AUTS2: variants seen among roughly 807,000 people sequenced by gnomAD.
AUTS2 encodes autism susceptibility gene 2 protein.
Under a neutral mutation model 112.4 loss-of-function variants are expected in AUTS2, and 17 were observed. The ratio of observed to expected loss-of-function variants is 0.15; its 90% CI spans 0.10 to 0.23. The LOEUF (loss-of-function observed/expected upper bound fraction) is 0.23. Ranked by LOEUF, AUTS2 falls within the 10% of genes least tolerant of loss-of-function variation. The pLI is 1.00. For synonymous variants in AUTS2, 751 were observed against 702.7 expected, an observed-to-expected ratio of 1.07 and a Z score of -1.09; for missense variants, 1,510 against 1,701.6, an observed-to-expected ratio of 0.89 and a Z score of 1.98.
intron 5 of AUTS2, among the ~76,000 whole-genome samples, chr7:70,454,388 T>A (rs375291293): frequency 6.6e-6 from 1 of 151,780 alleles, no homozygotes; most frequent in Non-Finnish European, 1.5e-5. Context: ...TACAAAAAAA[T>A]TAGCTGGACG....
chr7:69,842,514 T>G (rs1204545291), intron 1 of AUTS2, among the ~76,000 whole-genome samples: 1 of 152,210 alleles, frequency 6.6e-6, no homozygotes, highest in Non-Finnish European at 1.5e-5. Flanking sequence ...GACTAAATTT[T>G]GATCACAGAA....
chr7:70,532,634 T>C (rs1800145031), intron 5 of AUTS2, among the ~76,000 whole-genome samples: 1 of 152,188 alleles, frequency 6.6e-6, no homozygotes, highest in African/African-American at 2.4e-5. Context: ...CCTACGTGGC[T>C]GTTCAGGGGG....
At chr7:69,952,818 T>C (rs952379805) in intron 2 of AUTS2, among the ~76,000 whole-genome samples, 2 of 152,198 alleles carry the variant, frequency 1.3e-5, no homozygotes, top group African/African-American at 4.8e-5. Flanking sequence ...GGAACTCATA[T>C]ATCTTCATAT....
chr7:69,703,401 C>T (rs1797910590), intron 1 of AUTS2, among the ~76,000 whole-genome samples: 1 of 152,180 alleles, frequency 6.6e-6, no homozygotes, highest in South Asian at 2.1e-4. Flanking sequence ...TCTCCTCACA[C>T]CTGCACTGCT....
At chr7:69,759,547 T>C (rs1788079225) in intron 1 of AUTS2, among the ~76,000 whole-genome samples, 1 of 152,096 alleles carries the variant, frequency 6.6e-6, no homozygotes, top group South Asian at 2.1e-4. Flanking sequence ...CTGTACTTCA[T>C]GAGCCAATTG....
intron 4 of AUTS2, among the ~76,000 whole-genome samples, chr7:70,372,527 T>C (rs774143724): frequency 2.8e-4 from 42 of 152,256 alleles, no homozygotes; most frequent in Admixed American, 4.6e-4. Context: ...ATGGAAGAAA[T>C]TGAAATGGAA....
intron 4 of AUTS2, among the ~76,000 whole-genome samples, chr7:70,228,206 C>T (rs900725396): frequency 5.9e-5 from 9 of 151,358 alleles, no homozygotes; most frequent in African/African-American, 1.7e-4. Context: ...TCTGTTTTGT[C>T]GGACAGTATT....
intron 2 of AUTS2, among the ~76,000 whole-genome samples, chr7:70,111,148 G>A (rs1032867108): frequency 6.6e-6 from 1 of 151,842 alleles, no homozygotes; most frequent in Non-Finnish European, 1.5e-5. Flanking sequence ...CAAAGTACTG[G>A]GATTATAGGC....
chr7:70,790,144 G>A lies in AUTS2; in HGVS notation c.2928G>A (p.Lys976=). Residue 976 remains lysine, a synonymous_variant, in exon 19 of 19, where the codon AAG becomes AAA. Transcript: ENST00000342771. This position sits in a 1 kb window ranked among gnomAD's most constrained non-coding sequence, Gnocchi z 7.6. Reference sequence around the variant, plus strand: ...AGCCGGCCTACGAGAACCCCAAGAAGAGCTCCGAGGTCAAGGTGAAGGAGG... The same window carrying A: ...AGCCGGCCTACGAGAACCCCAAGAAAAGCTCCGAGGTCAAGGTGAAGGAGG... ...KGEPAYENPK[K]SSEVKVKEER... is the part of the protein sequence containing the mutation. The A allele has an allele frequency of 1.2e-6, 2 of 1,610,074 alleles. No individual in the cohort carries two copies. The highest frequency in any genetic ancestry group is 1.1e-5 in the South Asian group (1 of 90,640).
intron 5 of AUTS2, among the ~76,000 whole-genome samples, chr7:70,530,653 T>C (rs1800047467): frequency 6.6e-6 from 1 of 152,132 alleles, no homozygotes; most frequent in Non-Finnish European, 1.5e-5. Flanking sequence ...CCGTGGAAAT[T>C]AGCCTGGCCA....
At chr7:70,530,336 G>A (rs771919786) in intron 5 of AUTS2, among the ~76,000 whole-genome samples, 7 of 152,140 alleles carry the variant, frequency 4.6e-5, no homozygotes, top group Non-Finnish European at 8.8e-5. Flanking sequence ...TCCTGGGAGT[G>A]TGACAGATAG....
At chr7:70,015,456 G>A (rs964124190) in intron 2 of AUTS2, among the ~76,000 whole-genome samples, 1 of 152,212 alleles carries the variant, frequency 6.6e-6, no homozygotes, top group East Asian at 1.9e-4. Flanking sequence ...AAAAGCAGAT[G>A]TGTCTAAATT....
intron 6 of AUTS2, among the ~76,000 whole-genome samples, chr7:70,719,708 C>T (rs944385578): frequency 2.0e-5 from 3 of 152,082 alleles, no homozygotes; most frequent in Admixed American, 6.5e-5. Flanking sequence ...GTGATCCACC[C>T]GCCTCAGCCT....
At chr7:70,130,551 C>T (rs1806218400) in intron 3 of AUTS2, among the ~76,000 whole-genome samples, 1 of 152,060 alleles carries the variant, frequency 6.6e-6, no homozygotes, top group African/African-American at 2.4e-5. Flanking sequence ...AACTGTGCAT[C>T]CCATTATGTT....
chr7:70,190,213 CAGTA>C (rs1472400551), intron 4 of AUTS2, among the ~76,000 whole-genome samples: 1 of 152,128 alleles, frequency 6.6e-6, no homozygotes, highest in Non-Finnish European at 1.5e-5. Context: ...AAGGATACAG[CAGTA>C]AGTGTTGCTT....
intron 1 of AUTS2, among the ~76,000 whole-genome samples, chr7:69,793,536 A>G (rs1337690935): frequency 6.6e-6 from 1 of 152,156 alleles, no homozygotes; most frequent in East Asian, 1.9e-4. Context: ...GTGCTATAGG[A>G]ATGTCTGGGT....
At chr7:69,989,864 T>C (rs1798670115) in intron 2 of AUTS2, among the ~76,000 whole-genome samples, 1 of 152,100 alleles carries the variant, frequency 6.6e-6, no homozygotes, top group African/African-American at 2.4e-5. Flanking sequence ...CATTAGACTC[T>C]CATAGGAGTG....
chr7:70,683,496 T>C (rs1808308647), intron 5 of AUTS2, among the ~76,000 whole-genome samples: 1 of 152,228 alleles, frequency 6.6e-6, no homozygotes, highest in Non-Finnish European at 1.5e-5. Context: ...AGCAGTATCT[T>C]GTTCCCAGTG....
chr7:69,805,272 A>G (rs564024699), intron 1 of AUTS2, among the ~76,000 whole-genome samples: 2 of 152,234 alleles, frequency 1.3e-5, no homozygotes, highest in Non-Finnish European at 2.9e-5. Context: ...GCTTTGCTCA[A>G]TGTTGGCATT....
Sources: allele counts gnomAD v4.1 joint callset (sites outside exome capture counted in the v4.1 genomes callset), GRCh38; gene constraint gnomAD v4.1.1; non-coding constraint Gnocchi (gnomAD v3.1); transcripts MANE v1.5; gene names NCBI Gene and HGNC (gene_info 2026-07-23, HGNC 2026-07-21).